The following SIN3A variants were observed in gnomAD, a reference collection of about 807,000 sequenced individuals.
SIN3A encodes the protein paired amphipathic helix protein Sin3a.
A neutral mutation model predicts 146.1 loss-of-function variants in SIN3A; 14 were observed. The ratio of observed to expected loss-of-function variants is 0.10; its 90% CI spans 0.06 to 0.15. The LOEUF (loss-of-function observed/expected upper bound fraction) is 0.15. SIN3A is among the 10% of genes least tolerant of loss of function. SIN3A has a pLI of 1.00. For missense variants in SIN3A, 1,028 were observed against 1,576.0 expected (o/e 0.65, Z 5.89); for synonymous variants, 572 against 572.0 (o/e 1.00, Z 0.00).
Position 75,396,371 on chromosome 15 carries a change from T to C in SIN3A, c.1980A>G (p.Thr660=), listed in dbSNP as rs758800022. ...KFRLDNTLGG[T]SEVIHRKALQ... ...GTGCTTTTCTATGGATGACTTCTGA[T>C]GTGCCCCCAAGGGTGTTGTCCAAGC... Residue 660 remains threonine, a synonymous_variant, in exon 13 of 21, where the codon ACA becomes ACG. Transcript: ENST00000394947. 2 of 1,614,176 alleles carry C rather than the reference T, an allele frequency of 1.2e-6. No individual in the cohort carries two copies. The highest frequency in any genetic ancestry group is 1.1e-5 in the South Asian group (1 of 91,082).
intron 14 of SIN3A, 62 bp from the exon 15 acceptor site, chr15:75,392,877 G>T: frequency 8.3e-7 from 1 of 1,201,660 alleles, no homozygotes; most frequent in South Asian, 1.4e-5. Flanking sequence ...ATGTCTACAA[G>T]ACCACATCAG....
At chr15:75,440,581 G>C (rs1171524215) in intron 1 of SIN3A, among the ~76,000 whole-genome samples, 1 of 152,116 alleles carries the variant, frequency 6.6e-6, no homozygotes, top group African/African-American at 2.4e-5. Flanking sequence ...GACACTGGGA[G>C]ATATAAATAT....
intron 11 of SIN3A, among the ~76,000 whole-genome samples, chr15:75,400,438 T>A (rs1163775526): frequency 6.6e-6 from 1 of 152,132 alleles, no homozygotes; most frequent in Non-Finnish European, 1.5e-5. Context: ...TATTTTTATA[T>A]TTTTAGCTGG....
At chr15:75,453,299 G>A (rs935715378), upstream of SIN3A, 5 of 152,342 alleles carry the variant, frequency 3.3e-5, no homozygotes, top group Admixed American at 6.5e-5. Flanking sequence ...CGACAGGTGG[G>A]AGCAGCCTCG....
intron 1 of SIN3A, among the ~76,000 whole-genome samples, chr15:75,449,030 A>G (rs979486283): frequency 1.3e-5 from 2 of 152,248 alleles, no homozygotes; most frequent in African/African-American, 2.4e-5. Context: ...TTCCTAATAC[A>G]GCAAAACCAG....
chr15:75,414,704 A>G (rs2073701992), intron 3 of SIN3A, among the ~76,000 whole-genome samples: 1 of 152,250 alleles, frequency 6.6e-6, no homozygotes, highest in African/African-American at 2.4e-5. Context: ...GTCAGGAATC[A>G]TAACACAGTG....
intron 20 of SIN3A, among the ~76,000 whole-genome samples, chr15:75,372,856 A>G (rs990051712): frequency 3.3e-5 from 5 of 150,984 alleles, no homozygotes; most frequent in African/African-American, 1.2e-4. Flanking sequence ...AACCCCCAAA[A>G]CCCACATTTC....
rs1374923131 is a variant in SIN3A at position 75,400,883 on chromosome 15, T to C, written c.1584A>G (p.Val528=). The C allele has an allele frequency of 1.2e-6, 2 of 1,614,164 alleles. No individual in the cohort carries two copies. The highest frequency in any genetic ancestry group is 1.7e-5 in the Admixed American group (1 of 60,022). ...FKNFLGYKES[V]HLETYPKERA... ...GCTCCTTTGGATAAGTTTCCAGATGTACAGACTCCTTATAGCCCAGAAAGT... is the reference window on the plus strand; with the variant it reads ...GCTCCTTTGGATAAGTTTCCAGATGCACAGACTCCTTATAGCCCAGAAAGT... Residue 528 remains valine, a synonymous_variant, in exon 11 of 21, where the codon GTA becomes GTG. Coordinates refer to ENST00000394947, the MANE Select transcript of SIN3A (RefSeq NM_001145358.2).
intron 1 of SIN3A, among the ~76,000 whole-genome samples, chr15:75,441,281 G>A (rs910753245): frequency 1.5e-4 from 23 of 151,914 alleles, no homozygotes; most frequent in African/African-American, 5.6e-4. Context: ...TCCAGCGTGG[G>A]CAACAGAGCC....
At chr15:75,377,859 A>G (rs942635591) in intron 19 of SIN3A, among the ~76,000 whole-genome samples, 2 of 152,236 alleles carry the variant, frequency 1.3e-5, no homozygotes, top group African/African-American at 4.8e-5. Context: ...AAATATAGTC[A>G]ATCTCAGCCA....
intron 1 of SIN3A, among the ~76,000 whole-genome samples, chr15:75,438,233 T>C (rs924877331): frequency 2.0e-5 from 3 of 152,036 alleles, no homozygotes; most frequent in Non-Finnish European, 4.4e-5. Context: ...GGTGTGGTTG[T>C]GGGTGCCTGT....
chr15:75,432,160 A>G, intron 1 of SIN3A, among the ~76,000 whole-genome samples: 1 of 152,256 alleles, frequency 6.6e-6, no homozygotes, highest in East Asian at 1.9e-4. Flanking sequence ...TAGACATATT[A>G]AGAGGTTGAG....
At chr15:75,433,294 G>GTGATTTCCA (rs1400747686) in intron 1 of SIN3A, among the ~76,000 whole-genome samples, 9 of 152,184 alleles carry the variant, frequency 5.9e-5, no homozygotes, top group African/African-American at 2.2e-4. Context: ...GCCTACATTA[G>GTGATTTCCA]TGATTTCCAA....
At chr15:75,447,117 T>C (rs559021407) in intron 1 of SIN3A, among the ~76,000 whole-genome samples, 2 of 152,286 alleles carry the variant, frequency 1.3e-5, no homozygotes, top group South Asian at 4.1e-4. Flanking sequence ...CAGACTGAAA[T>C]GGAAAGCCAC....
chr15:75,377,128 A>G (rs746789756), intron 19 of SIN3A, among the ~76,000 whole-genome samples: 3 of 152,180 alleles, frequency 2.0e-5, no homozygotes, highest in Admixed American at 2.0e-4. Context: ...AATATCGAAC[A>G]AATTGTTACC....
chr15:75,379,562 G>A (rs1453967254), intron 19 of SIN3A, among the ~76,000 whole-genome samples: 2 of 152,212 alleles, frequency 1.3e-5, no homozygotes, highest in African/African-American at 2.4e-5. Flanking sequence ...TTTGTTGAGA[G>A]GAACCTGACA....
chr15:75,414,818 C>T (rs1357312928), intron 3 of SIN3A, among the ~76,000 whole-genome samples: 1 of 152,014 alleles, frequency 6.6e-6, no homozygotes, highest in African/African-American at 2.4e-5. Context: ...TAAACTGAGA[C>T]CTAAAGATGA....
intron 1 of SIN3A, among the ~76,000 whole-genome samples, chr15:75,440,372 C>T (rs2074186241): frequency 6.6e-6 from 1 of 151,492 alleles, no homozygotes; most frequent in Non-Finnish European, 1.5e-5. Context: ...GCTGGAATTA[C>T]AGGTGTGTGC....
intron 1 of SIN3A, among the ~76,000 whole-genome samples, chr15:75,438,809 G>T (rs2074150389): frequency 6.6e-6 from 1 of 152,150 alleles, no homozygotes; most frequent in African/African-American, 2.4e-5. Context: ...TGAAACAATG[G>T]AAAGTTTCTC....
Sources: allele counts gnomAD v4.1 joint callset (sites outside exome capture counted in the v4.1 genomes callset), GRCh38; gene constraint gnomAD v4.1.1; transcripts MANE v1.5; gene names NCBI Gene and HGNC (gene_info 2026-07-23, HGNC 2026-07-21).